The following ARID5B variants were observed in gnomAD, a reference collection of about 807,000 sequenced individuals.
ARID5B encodes the protein AT-rich interaction domain 5B, also known as AT-rich interactive domain-containing protein 5B.
Under a neutral mutation model 97.2 loss-of-function variants are expected in ARID5B, and 13 were observed. The ratio of observed to expected loss-of-function variants is 0.13; its 90% CI spans 0.09 to 0.21. The LOEUF (loss-of-function observed/expected upper bound fraction) is 0.21, where lower values mean the gene tolerates loss of function less well. Among genes scored for constraint, ARID5B ranks in the 10% least tolerant of loss-of-function variants. The pLI is 1.00. For synonymous variants in ARID5B, 556 were observed against 570.3 expected (o/e 0.97, Z 0.36); for missense variants, 1,210 against 1,465.3 (o/e 0.83, Z 2.84).
At chr10:62,040,397 G>C (rs777600158) in intron 4 of ARID5B, among the ~76,000 whole-genome samples, 15 of 151,952 alleles carry the variant, frequency 9.9e-5, no homozygotes, top group Non-Finnish European at 1.8e-4. Context: ...GTTTTTACAT[G>C]ACTACCCTCC....
chr10:62,054,748 A>G (rs1839833201), intron 5 of ARID5B, among the ~76,000 whole-genome samples: 1 of 152,186 alleles, frequency 6.6e-6, no homozygotes, highest in Non-Finnish European at 1.5e-5. Flanking sequence ...GCCCATTATC[A>G]CTGCAAATTT....
intron 7 of ARID5B, among the ~76,000 whole-genome samples, chr10:62,066,255 T>C (rs2132949672): frequency 6.6e-6 from 1 of 152,320 alleles, no homozygotes; most frequent in South Asian, 2.1e-4. Flanking sequence ...GTTTGGACAA[T>C]GGGAGAATTT....
chr10:62,023,122 G>C (rs1482553276), intron 4 of ARID5B, among the ~76,000 whole-genome samples: 1 of 152,176 alleles, frequency 6.6e-6, no homozygotes, highest in Non-Finnish European at 1.5e-5. Context: ...ATTCAGAGAA[G>C]ACTGTTTCAC....
chr10:62,090,982 C>G lies in ARID5B; in HGVS notation c.1519C>G (p.Pro507Ala). The part of the protein sequence containing the change: ...IEGYQEFSAK[P>A]LASRVDPEKD... ...AGGGTATCAGGAATTTTCAGCGAAG[C>G]CCCTGGCATCCAGAGTAGACCCAGA... Residue 507 changes from proline to alanine, a missense_variant, in exon 10 of 10, where the codon CCC (proline) becomes GCC (alanine). Pro to Ala is a conservative substitution (Grantham distance 27). Around this residue, in one of 8 missense-constraint regions of ARID5B, gnomAD observed 800 missense variants for 839.1 expected, o/e 0.95. Transcript: ENST00000279873. 2 of 1,614,118 alleles carry G rather than the reference C, an allele frequency of 1.2e-6. No individual in the cohort carries two copies. The highest frequency in any genetic ancestry group is 2.2e-5 in the East Asian group (1 of 44,886).
chr10:61,914,471 GA>G (rs948628989), intron 2 of ARID5B, among the ~76,000 whole-genome samples: 4 of 152,228 alleles, frequency 2.6e-5, no homozygotes, highest in African/African-American at 9.6e-5. Flanking sequence ...CCTATAGTAA[GA>G]AGGAAGAAGC....
At chr10:62,004,556 C>T (rs1839122405) in intron 4 of ARID5B, among the ~76,000 whole-genome samples, 1 of 152,194 alleles carries the variant, frequency 6.6e-6, no homozygotes, top group Non-Finnish European at 1.5e-5. Context: ...CCTCCACCGT[C>T]CTGTTAGAAT....
chr10:62,034,831 G>C (rs1839541044), intron 4 of ARID5B, among the ~76,000 whole-genome samples: 1 of 152,202 alleles, frequency 6.6e-6, no homozygotes, highest in South Asian at 2.1e-4. Flanking sequence ...TTCATCGGTA[G>C]GCACATTTTT....
intron 3 of ARID5B, among the ~76,000 whole-genome samples, chr10:61,947,789 G>C (rs573687104): frequency 6.6e-6 from 1 of 152,276 alleles, no homozygotes; most frequent in African/African-American, 2.4e-5. Flanking sequence ...TGCTAGAAAA[G>C]AGGTCTTTGT....
At chr10:61,946,029 T>A (rs1844492998) in intron 3 of ARID5B, among the ~76,000 whole-genome samples, 2 of 148,272 alleles carry the variant, frequency 1.3e-5, no homozygotes, top group Admixed American at 1.3e-4. Flanking sequence ...ATAATAAATG[T>A]ATGTAATATA....
At chr10:61,940,054 A>G (rs1413464691) in intron 2 of ARID5B, 129 bp from the exon 3 acceptor site, 2 of 719,940 alleles carry the variant, frequency 2.8e-6, no homozygotes, top group African/African-American at 3.5e-5. Context: ...TGTCACCAGA[A>G]TGCACACAGT....
At chr10:61,968,514 C>A (rs1838579510) in intron 3 of ARID5B, among the ~76,000 whole-genome samples, 1 of 151,970 alleles carries the variant, frequency 6.6e-6, no homozygotes, top group South Asian at 2.1e-4. Flanking sequence ...ATTTGCATTT[C>A]TTTTCCAAAG....
At chr10:61,923,127 A>T (rs1437871654) in intron 2 of ARID5B, among the ~76,000 whole-genome samples, 1 of 152,208 alleles carries the variant, frequency 6.6e-6, no homozygotes, top group African/African-American at 2.4e-5. Flanking sequence ...AGACATACAC[A>T]TGGGGCATGT....
In ARID5B at chr10:62,092,224, G is replaced by T; in HGVS notation, c.2761G>T (p.Val921Phe). The T allele has an allele frequency of 6.2e-7, 1 of 1,611,112 alleles. No homozygotes were observed. Among genetic ancestry groups the T allele is most frequent in the Non-Finnish European group, 8.5e-7 (1 of 1,178,794 alleles). Residue 921 changes from valine (V) to phenylalanine (F), a missense_variant, in exon 10 of 10, where the codon GTC becomes TTC. Physicochemically the swap from Val to Phe is conservative, Grantham distance 50 (BLOSUM62 -1). Around this residue, in one of 8 missense-constraint regions of ARID5B, gnomAD observed 800 missense variants for 839.1 expected, o/e 0.95. Transcript: ENST00000279873. Reference sequence around the variant, plus strand: ...GAACCCGCACAAACCTACCGGCAAGGTCCTGGGCCTGGCTCATTCCACCAC... The same window carrying T: ...GAACCCGCACAAACCTACCGGCAAGTTCCTGGGCCTGGCTCATTCCACCAC... ...PKNPHKPTGK[V>F]LGLAHSTTGP... is the part of the protein sequence containing the mutation.
intron 2 of ARID5B, among the ~76,000 whole-genome samples, chr10:61,919,036 T>TG (rs1843960095): frequency 1.6e-5 from 1 of 63,448 alleles, no homozygotes; most frequent in Non-Finnish European, 2.8e-5. Context: ...CCTGACTCCG[T>TG]CCCCCCCCCC....
chr10:61,957,852 T>A (rs1470865396), intron 3 of ARID5B, among the ~76,000 whole-genome samples: 1 of 152,212 alleles, frequency 6.6e-6, no homozygotes, highest in East Asian at 1.9e-4. Flanking sequence ...TTTGGACAAA[T>A]GCAGTGTTTA....
Position 62,091,087 on chromosome 10 carries a change from C to A in ARID5B, c.1624C>A (p.Leu542Ile), listed in dbSNP as rs772658120. The A allele has an allele frequency of 1.4e-5, 23 of 1,613,932 alleles. No homozygotes were observed. Among genetic ancestry groups the A allele is most frequent in the Non-Finnish European group, 1.9e-5 (23 of 1,179,980 alleles). Residue 542 changes from leucine to isoleucine, a missense_variant, in exon 10 of 10, where the codon CTC becomes ATC. Leu to Ile is a conservative substitution (Grantham distance 5). Coordinates refer to ENST00000279873, the MANE Select transcript of ARID5B (RefSeq NM_032199.3). ...GGGAGAGAAGGGGCCCACACCTCCA[C>A]TCCCAAGTGCTCCTCTGGCCCCAGA... Reference protein sequence around the residue: ...EAGEKGPTPPLPSAPLAPEKD... With the variant: ...EAGEKGPTPPIPSAPLAPEKD...
At chr10:61,918,860 C>A (rs1021647949) in intron 2 of ARID5B, among the ~76,000 whole-genome samples, 1 of 152,184 alleles carries the variant, frequency 6.6e-6, no homozygotes, top group African/African-American at 2.4e-5. Context: ...ATGGTGAAAC[C>A]CTGTCTGTAC....
chr10:61,993,159 A>G (rs968031523), intron 3 of ARID5B, among the ~76,000 whole-genome samples: 1 of 151,644 alleles, frequency 6.6e-6, no homozygotes, highest in Non-Finnish European at 1.5e-5. Flanking sequence ...ACGCACACAC[A>G]ACTGATCTTC....
At chr10:61,912,163 A>G (rs1843816618) in intron 2 of ARID5B, among the ~76,000 whole-genome samples, 1 of 152,240 alleles carries the variant, frequency 6.6e-6, no homozygotes, top group African/African-American at 2.4e-5. Context: ...AGCACAAAGG[A>G]TCGCAGTATA....
Sources: allele counts gnomAD v4.1 joint callset (sites outside exome capture counted in the v4.1 genomes callset), GRCh38; gene constraint gnomAD v4.1.1; regional missense constraint gnomAD v4.1.1; transcripts MANE v1.5; gene names NCBI Gene and HGNC (gene_info 2026-07-23, HGNC 2026-07-21).